The following OR2L13 variants were observed in gnomAD, a reference collection of about 807,000 sequenced individuals.
The protein encoded by OR2L13 is olfactory receptor family 2 subfamily L member 13, also known as olfactory receptor 2L13.
OR2L13 carries 14 observed loss-of-function variants against 15.3 expected under a neutral mutation model. The observed-to-expected ratio is 0.91, with a 90% CI of 0.60 to 1.43. The LOEUF (loss-of-function observed/expected upper bound fraction) is 1.43, where lower values mean the gene tolerates loss of function less well. OR2L13 is among the 40% of genes most tolerant of loss of function. OR2L13 has a pLI of 0.00. For missense variants in OR2L13, 367 were observed against 387.9 expected, an observed-to-expected ratio of 0.95 and a Z score of 0.45; for synonymous variants, 152 against 142.9, an observed-to-expected ratio of 1.06 and a Z score of -0.45.
At chr1:248,039,017 C>G in the OR2L13 span, 2 of 1,614,118 alleles carry the variant, frequency 1.2e-6, no homozygotes, top group Non-Finnish European at 1.7e-6. Context: ...TGTCCTTCTA[C>G]TATGCACCCT....
chr1:248,018,770 A>G, the OR2L13 span, among the ~76,000 whole-genome samples: 1 of 152,170 alleles, frequency 6.6e-6, no homozygotes, highest in African/African-American at 2.4e-5. Flanking sequence ...ATTTTCTCCA[A>G]CTAAAATTGT....
At chr1:247,949,567 A>G in the OR2L13 span, 169 of 1,614,120 alleles carry the variant, frequency 1.0e-4, no homozygotes, top group East Asian at 3.5e-3. Context: ...AAGAAAGCCT[A>G]TTTGACCTGC....
chr1:248,000,122 TG>T, the OR2L13 span, among the ~76,000 whole-genome samples: 1 of 117,886 alleles, frequency 8.5e-6, no homozygotes, highest in Non-Finnish European at 1.6e-5. Context: ...TTTTTTTTTT[TG>T]GTGTGTGTGT....
chr1:248,092,802 T>C (rs745675252), upstream of OR2L13, among the ~76,000 whole-genome samples: 53 of 152,176 alleles, frequency 3.5e-4, no homozygotes, highest in Non-Finnish European at 5.4e-4. Context: ...TTGTCTATAA[T>C]ATCCATCACC....
At chr1:248,022,539 G>C in the OR2L13 span, 3,732 of 1,614,194 alleles carry the variant, frequency 2.3e-3, 17 homozygotes, top group Non-Finnish European at 1.8e-3. Context: ...TGAGTACACA[G>C]TGTTTTTGAG....
the OR2L13 span, chr1:248,046,859 T>C: frequency 6.6e-6 from 1 of 152,196 alleles, no homozygotes; most frequent in Non-Finnish European, 1.5e-5. Flanking sequence ...AGTGAGTGTT[T>C]GGAAATGAGG....
the OR2L13 span, among the ~76,000 whole-genome samples, chr1:248,073,781 A>G: frequency 6.6e-6 from 1 of 152,000 alleles, no homozygotes; most frequent in African/African-American, 2.4e-5. Flanking sequence ...AAAAGTTAAT[A>G]TGTAGATAAA....
the OR2L13 span, among the ~76,000 whole-genome samples, chr1:247,988,138 AT>A: frequency 6.6e-4 from 99 of 149,572 alleles, no homozygotes; most frequent in Non-Finnish European, 8.6e-4. Context: ...AGTTCTGAGA[AT>A]TTTTTTTTTA....
At chr1:247,992,475 A>T in the OR2L13 span, among the ~76,000 whole-genome samples, 16 of 152,242 alleles carry the variant, frequency 1.1e-4, no homozygotes, top group Admixed American at 9.8e-4. Flanking sequence ...TAGAGTGTGG[A>T]TCCTGTCACC....
At chr1:248,014,431 G>A in the OR2L13 span, among the ~76,000 whole-genome samples, 134 of 152,162 alleles carry the variant, frequency 8.8e-4, no homozygotes, top group African/African-American at 3.1e-3. Flanking sequence ...CACCCAATTT[G>A]TGACAAATTG....
chr1:248,008,000 A>G, the OR2L13 span, among the ~76,000 whole-genome samples: 1 of 152,208 alleles, frequency 6.6e-6, no homozygotes. Flanking sequence ...AGCTGAAAAC[A>G]TTGGAGAAAT....
At chr1:247,942,370 A>G in the OR2L13 span, among the ~76,000 whole-genome samples, 1 of 152,148 alleles carries the variant, frequency 6.6e-6, no homozygotes, top group East Asian at 1.9e-4. Context: ...TTTTCTACAT[A>G]AAATGTTTTC....
At chr1:248,078,647 C>A in the OR2L13 span, among the ~76,000 whole-genome samples, 4 of 152,104 alleles carry the variant, frequency 2.6e-5, no homozygotes, top group Admixed American at 2.6e-4. Context: ...AACTTACAGT[C>A]ATTCAAAAAC....
At chr1:247,996,947 A>G in the OR2L13 span, 6 of 152,240 alleles carry the variant, frequency 3.9e-5, no homozygotes, top group South Asian at 4.1e-4. Flanking sequence ...ATGTACACCA[A>G]CTACCCTGAC....
the OR2L13 span, among the ~76,000 whole-genome samples, chr1:247,956,639 G>C: frequency 7.9e-5 from 12 of 151,618 alleles, no homozygotes; most frequent in East Asian, 1.9e-4. Context: ...GTTTGTAGTT[G>C]TCCTTGAAGA....
chr1:248,063,519 A>G, the OR2L13 span: 1 of 152,262 alleles, frequency 6.6e-6, no homozygotes, highest in Non-Finnish European at 1.5e-5. Context: ...TTACTGCCTT[A>G]GCTTCCTGGC....
the OR2L13 span, among the ~76,000 whole-genome samples, chr1:248,056,814 A>AATTT: frequency 6.6e-6 from 1 of 151,534 alleles, no homozygotes; most frequent in African/African-American, 2.4e-5. Flanking sequence ...TACTCGGCTA[A>AATTT]ATTTTTTTGG....
At chr1:248,022,553 C>A in the OR2L13 span, 1 of 1,614,172 alleles carries the variant, frequency 6.2e-7, no homozygotes, top group Non-Finnish European at 8.5e-7. Context: ...TTTTGAGCAG[C>A]ACCATCTTTC....
At chr1:247,991,656 G>A in the OR2L13 span, among the ~76,000 whole-genome samples, 2 of 149,328 alleles carry the variant, frequency 1.3e-5, 1 homozygote, top group South Asian at 4.2e-4. Flanking sequence ...TCCCTCGTGA[G>A]TAGCCACTGG....
Sources: allele counts gnomAD v4.1 joint callset (sites outside exome capture counted in the v4.1 genomes callset), GRCh38; gene constraint gnomAD v4.1.1; transcripts MANE v1.5; gene names NCBI Gene and HGNC (gene_info 2026-07-23, HGNC 2026-07-21).